SNX29: variants seen among roughly 807,000 people sequenced by gnomAD.
The protein encoded by SNX29 is sorting nexin 29.
Under a neutral mutation model 102.1 loss-of-function variants are expected in SNX29, and 78 were observed. The observed-to-expected ratio is 0.76, with a 90% confidence interval of 0.64 to 0.92. The LOEUF is 0.92. SNX29 is among the 40% of genes least tolerant of loss of function. SNX29 has a pLI of 0.00. For missense variants in SNX29, 1,280 were observed against 1,061.7 expected (o/e 1.21, Z -2.86); for synonymous variants, 580 against 414.5 (o/e 1.40, Z -4.85).
At chr16:12,111,959 C>T (rs527688400) in intron 11 of SNX29, among the ~76,000 whole-genome samples, 4 of 152,224 alleles carry the variant, frequency 2.6e-5, no homozygotes, top group East Asian at 1.9e-4. Context: ...GTCTTCATTC[C>T]GGAGCAGGGC....
At chr16:12,538,822 G>T (rs990524626) in intron 20 of SNX29, among the ~76,000 whole-genome samples, 29 of 152,144 alleles carry the variant, frequency 1.9e-4, no homozygotes, top group African/African-American at 6.8e-4. Flanking sequence ...TCAGTGGGAG[G>T]GCACTGCAAA....
chr16:12,396,610 A>C (rs1597226459), intron 16 of SNX29, among the ~76,000 whole-genome samples: 1 of 152,212 alleles, frequency 6.6e-6, no homozygotes, highest in Admixed American at 6.5e-5. Flanking sequence ...CGTCCTCCAC[A>C]TGGATGAAAA....
chr16:12,477,021 T>A (rs1258924903), intron 18 of SNX29, among the ~76,000 whole-genome samples: 2 of 152,208 alleles, frequency 1.3e-5, no homozygotes, highest in Non-Finnish European at 2.9e-5. Flanking sequence ...CTGTTTTTCC[T>A]TGTGATGAAG....
intron 15 of SNX29, among the ~76,000 whole-genome samples, chr16:12,316,008 T>C (rs1480570294): frequency 2.0e-5 from 3 of 152,226 alleles, no homozygotes; most frequent in African/African-American, 7.2e-5. Flanking sequence ...GTAGCCAGGC[T>C]GTTCTCAGAT....
At chr16:12,483,594 C>T (rs982284260) in intron 19 of SNX29, among the ~76,000 whole-genome samples, 1 of 152,108 alleles carries the variant, frequency 6.6e-6, no homozygotes, top group Non-Finnish European at 1.5e-5. Flanking sequence ...GGATTACAGG[C>T]GTGAGCCACC....
At chr16:12,393,819 A>G (rs886832142) in intron 16 of SNX29, among the ~76,000 whole-genome samples, 3 of 152,280 alleles carry the variant, frequency 2.0e-5, no homozygotes, top group Non-Finnish European at 4.4e-5. Context: ...GTAATTGTTC[A>G]GCACATGCTG....
intron 14 of SNX29, among the ~76,000 whole-genome samples, chr16:12,238,036 G>A (rs2077989242): frequency 6.6e-6 from 1 of 152,222 alleles, no homozygotes; most frequent in Non-Finnish European, 1.5e-5. Flanking sequence ...AAGTAACTGG[G>A]TGTGGGGGTT....
chr16:12,265,734 A>C (rs2078909635), intron 14 of SNX29, among the ~76,000 whole-genome samples: 1 of 150,428 alleles, frequency 6.6e-6, no homozygotes, highest in Non-Finnish European at 1.5e-5. Context: ...AAAAGTTGCA[A>C]AATTAATTAT....
chr16:12,415,998 C>T (rs2084620750), intron 18 of SNX29, among the ~76,000 whole-genome samples: 1 of 152,086 alleles, frequency 6.6e-6, no homozygotes, highest in African/African-American at 2.4e-5. Flanking sequence ...CTGAATGTGG[C>T]CAGGGCCGTA....
intron 18 of SNX29, among the ~76,000 whole-genome samples, chr16:12,456,074 A>G (rs1190843143): frequency 6.6e-6 from 1 of 152,176 alleles, no homozygotes; most frequent in African/African-American, 2.4e-5. Flanking sequence ...TTGTTTGTTC[A>G]TTCATTCATT....
intron 15 of SNX29, among the ~76,000 whole-genome samples, chr16:12,348,326 C>T (rs116771382): frequency 7.2e-5 from 11 of 152,280 alleles, no homozygotes; most frequent in African/African-American, 2.4e-4. Flanking sequence ...GAAGGCTTAC[C>T]CTAGCTGCTG....
chr16:12,564,433 T>G (rs574959392), intron 20 of SNX29, among the ~76,000 whole-genome samples: 31 of 152,326 alleles, frequency 2.0e-4, no homozygotes, highest in African/African-American at 7.0e-4. Flanking sequence ...TTATCCTCAT[T>G]TCACAGATCA....
intron 3 of SNX29, among the ~76,000 whole-genome samples, chr16:12,013,980 T>C (rs1417826787): frequency 6.6e-6 from 1 of 151,926 alleles, no homozygotes; most frequent in Non-Finnish European, 1.5e-5. Flanking sequence ...AAAATGTTTT[T>C]AAAGACGGGT....
chr16:12,561,800 G>C (rs1198390908), intron 20 of SNX29, among the ~76,000 whole-genome samples: 1 of 152,152 alleles, frequency 6.6e-6, no homozygotes, highest in Non-Finnish European at 1.5e-5. Flanking sequence ...GGCCTGGCAG[G>C]GGGCTCATTA....
chr16:12,538,174 G>A (rs1237868046), intron 20 of SNX29, among the ~76,000 whole-genome samples: 3 of 152,138 alleles, frequency 2.0e-5, no homozygotes, highest in African/African-American at 4.8e-5. Context: ...AGAGTGCAGT[G>A]GTGTGATCTA....
intron 14 of SNX29, among the ~76,000 whole-genome samples, chr16:12,233,959 A>G (rs1331020933): frequency 6.6e-6 from 1 of 152,350 alleles, no homozygotes; most frequent in East Asian, 1.9e-4. Flanking sequence ...TGGCTAAAAC[A>G]GATTTTACTA....
At chr16:12,325,284 G>T (rs1050837257) in intron 15 of SNX29, among the ~76,000 whole-genome samples, 5 of 152,146 alleles carry the variant, frequency 3.3e-5, no homozygotes, top group Non-Finnish European at 5.9e-5. Flanking sequence ...TATTTGCATG[G>T]TATCATAACA....
intron 13 of SNX29, among the ~76,000 whole-genome samples, 197 bp from the exon 14 acceptor site, chr16:12,199,404 A>T (rs1387998474): frequency 2.0e-5 from 3 of 152,184 alleles, no homozygotes; most frequent in African/African-American, 7.2e-5. Flanking sequence ...ATAGTTCTTA[A>T]AGGCACTCTG....
At chr16:12,088,481 G>T (rs879410321) in intron 11 of SNX29, among the ~76,000 whole-genome samples, 3 of 152,180 alleles carry the variant, frequency 2.0e-5, no homozygotes, top group Non-Finnish European at 4.4e-5. Flanking sequence ...TATATGGGAA[G>T]GCTTGGCTCA....
Sources: allele counts gnomAD v4.1 joint callset (sites outside exome capture counted in the v4.1 genomes callset), GRCh38; gene constraint gnomAD v4.1.1; transcripts MANE v1.5; gene names NCBI Gene and HGNC (gene_info 2026-07-23, HGNC 2026-07-21).